The following NRXN3 variants were observed in gnomAD, a reference collection of about 807,000 sequenced individuals.
The protein encoded by NRXN3 is neurexin III.
In NRXN3, 32 loss-of-function variants were observed where a neutral mutation model predicts 137.6. The observed-to-expected ratio is 0.23, with a 90% confidence interval of 0.18 to 0.31. The LOEUF (loss-of-function observed/expected upper bound fraction) is 0.31. Ranked by LOEUF, NRXN3 falls within the 10% of genes least tolerant of loss-of-function variation. NRXN3 has a pLI of 1.00. For missense variants in NRXN3, 1,574 were observed against 2,062.5 expected, an observed-to-expected ratio of 0.76 and a Z score of 4.59; for synonymous variants, 798 against 784.5, an observed-to-expected ratio of 1.02 and a Z score of -0.29.
At chr14:78,282,384 G>T in intron 3 of NRXN3, 1 of 321,548 alleles carries the variant, frequency 3.1e-6, no homozygotes, top group Non-Finnish European at 6.3e-6. Context: ...CTCCCCCAGT[G>T]CTTCTCCCTC....
intron 15 of NRXN3, among the ~76,000 whole-genome samples, chr14:79,058,755 C>T (rs1038448636): frequency 6.6e-6 from 1 of 151,958 alleles, no homozygotes; most frequent in Non-Finnish European, 1.5e-5. Flanking sequence ...GGGAGGTGAT[C>T]GGATCATGAG....
At chr14:78,832,979 A>G (rs2098986609) in intron 10 of NRXN3, among the ~76,000 whole-genome samples, 1 of 152,128 alleles carries the variant, frequency 6.6e-6, no homozygotes, top group South Asian at 2.1e-4. Context: ...CACGCATAAA[A>G]CATCTTTCCG....
At chr14:79,282,711 GC>G in intron 15 of NRXN3, among the ~76,000 whole-genome samples, 2 of 152,046 alleles carry the variant, frequency 1.3e-5, no homozygotes, top group Non-Finnish European at 2.9e-5. Context: ...CCCAGAAAAG[GC>G]CCTCAGACTC....
intron 10 of NRXN3, among the ~76,000 whole-genome samples, chr14:78,811,175 A>G (rs2098910591): frequency 6.6e-6 from 1 of 152,180 alleles, no homozygotes. Context: ...AATACTAACT[A>G]CTGTAACAAG....
chr14:79,243,830 TG>T (rs1198466917), intron 15 of NRXN3, among the ~76,000 whole-genome samples: 6 of 152,140 alleles, frequency 3.9e-5, no homozygotes, highest in Non-Finnish European at 8.8e-5. Flanking sequence ...AGTTTATCAT[TG>T]ATGGAAATGT....
intron 10 of NRXN3, among the ~76,000 whole-genome samples, chr14:78,943,864 TG>T (rs1567779714): frequency 6.7e-6 from 1 of 149,462 alleles, no homozygotes; most frequent in Non-Finnish European, 1.5e-5. Flanking sequence ...ATTTTAGACC[TG>T]GTTTTCAAGG....
rs61411777 is a variant in NRXN3, at chr14:78,815,479, C to CTTTTTTTTT, written c.2275+5149_2275+5157dup. 7.5e-4 allele frequency among the ~76,000 whole-genome samples: 63 copies of CTTTTTTTTT among 84,452 alleles called. 1 individual carries two copies. Among genetic ancestry groups the CTTTTTTTTT allele is most frequent in the South Asian group, 1.7e-3 (3 of 1,748 alleles). 55.4% of individuals were successfully genotyped at this position (84,452 alleles called of 152,430 possible). ...ACTTGCTTGGATAATTTGTTTCTTT[C>CTTTTTTTTT]TTTTTTTTTTTTTTTTTTTTTTGCC... On this transcript the variant is annotated intron_variant, in intron 10 of 20. Coordinates refer to ENST00000335750, the MANE Select transcript of NRXN3 (RefSeq NM_001330195.2).
chr14:78,562,120 G>A (rs2096791942), intron 4 of NRXN3, among the ~76,000 whole-genome samples: 1 of 151,918 alleles, frequency 6.6e-6, no homozygotes, highest in African/African-American at 2.4e-5. Context: ...TGAGGCAGGT[G>A]GGGCACGATG....
chr14:78,674,481 A>G (rs1485606651), intron 6 of NRXN3, among the ~76,000 whole-genome samples: 3 of 152,192 alleles, frequency 2.0e-5, no homozygotes, highest in African/African-American at 4.8e-5. Flanking sequence ...CAAATGAATC[A>G]TTGGTGCTCA....
intron 6 of NRXN3, 72 bp downstream of exon 6, chr14:78,651,398 C>A: frequency 6.7e-7 from 1 of 1,484,338 alleles, no homozygotes; most frequent in Admixed American, 1.8e-5. Flanking sequence ...ATGTCTAAAT[C>A]AATGACTGGA....
intron 4 of NRXN3, among the ~76,000 whole-genome samples, chr14:78,552,653 A>G (rs2096704142): frequency 6.6e-6 from 1 of 152,158 alleles, no homozygotes; most frequent in South Asian, 2.1e-4. Context: ...GCAACAGGGA[A>G]AAATCTCTGT....
intron 19 of NRXN3, 107 bp downstream of exon 19, chr14:79,698,044 A>C: frequency 9.9e-7 from 1 of 1,010,754 alleles, no homozygotes; most frequent in South Asian, 1.6e-5. Flanking sequence ...CTATGTAAGA[A>C]GGATGCTGGC....
At chr14:78,525,037 A>C (rs1225144594) in intron 4 of NRXN3, among the ~76,000 whole-genome samples, 3 of 152,192 alleles carry the variant, frequency 2.0e-5, no homozygotes. Context: ...TACTTCTCTG[A>C]CAATCCTATG....
At chr14:79,350,789 A>G (rs1438369416) in intron 15 of NRXN3, among the ~76,000 whole-genome samples, 1 of 152,182 alleles carries the variant, frequency 6.6e-6, no homozygotes, top group Non-Finnish European at 1.5e-5. Context: ...ATAATCCTCC[A>G]AGCCATTTCA....
chr14:78,549,032 G>A (rs1032315912), intron 4 of NRXN3, among the ~76,000 whole-genome samples: 1 of 152,176 alleles, frequency 6.6e-6, no homozygotes, highest in Admixed American at 6.5e-5. Context: ...ACTATACATT[G>A]TTCAGCTTCC....
chr14:79,367,177 G>T (rs2093928641), intron 15 of NRXN3, among the ~76,000 whole-genome samples: 1 of 152,086 alleles, frequency 6.6e-6, no homozygotes, highest in South Asian at 2.1e-4. Context: ...TAGAGACAGG[G>T]TTTTACTGTG....
intron 6 of NRXN3, among the ~76,000 whole-genome samples, chr14:78,676,825 A>G (rs776021583): frequency 7.9e-5 from 12 of 152,068 alleles, no homozygotes; most frequent in South Asian, 2.1e-4. Flanking sequence ...ACCAATGCTC[A>G]TTTGCCATTC....
chr14:79,680,443 T>TTGTGTGTGTGTG (rs112213664), intron 17 of NRXN3, among the ~76,000 whole-genome samples: 25 of 150,320 alleles, frequency 1.7e-4, no homozygotes, highest in African/African-American at 5.9e-4. Flanking sequence ...GTAGGACTGT[T>TTGTGTGTGTGTG]TGTGTGTGTG....
At chr14:79,084,079 T>A (rs373121950) in intron 15 of NRXN3, among the ~76,000 whole-genome samples, 34 of 151,642 alleles carry the variant, frequency 2.2e-4, no homozygotes, top group East Asian at 1.2e-3. Context: ...CTGGTTAATT[T>A]ATTTATTTTT....
Sources: allele counts gnomAD v4.1 joint callset (sites outside exome capture counted in the v4.1 genomes callset), GRCh38; gene constraint gnomAD v4.1.1; transcripts MANE v1.5; gene names NCBI Gene and HGNC (gene_info 2026-07-23, HGNC 2026-07-21).